The following CALN1 variants were observed in gnomAD, a reference collection of about 807,000 sequenced individuals.
CALN1 encodes calneuron 1, also known as calcium-binding protein 8.
A neutral mutation model predicts 30.6 loss-of-function variants in CALN1; 17 were observed. That is an observed-to-expected ratio of 0.56 (90% confidence interval 0.38 to 0.83). The LOEUF (loss-of-function observed/expected upper bound fraction) is 0.83, where lower values mean the gene tolerates loss of function less well. Ranked by LOEUF, CALN1 falls within the 40% of genes least tolerant of loss-of-function variation. The probability of loss-of-function intolerance (pLI) is 0.00; values close to 1 mark genes in which losing one functional copy is unlikely to be tolerated. For missense variants in CALN1, 291 were observed against 354.9 expected (o/e 0.82, Z 1.45); for synonymous variants, 156 against 131.4 (o/e 1.19, Z -1.28).
At chr7:71,852,579 G>A (rs541540384) in intron 5 of CALN1, among the ~76,000 whole-genome samples, 2 of 151,764 alleles carry the variant, frequency 1.3e-5, no homozygotes, top group Admixed American at 1.3e-4. Context: ...CAGCCTGGGT[G>A]ACAGAACAAG....
chr7:72,361,968 A>G (rs1156661620), intron 2 of CALN1, among the ~76,000 whole-genome samples: 2 of 152,194 alleles, frequency 1.3e-5, no homozygotes, highest in African/African-American at 2.4e-5. Context: ...AGTTTTATTC[A>G]TAATTTTTTT....
chr7:72,006,201 G>A (rs1034806), intron 5 of CALN1, among the ~76,000 whole-genome samples: 19,809 of 152,032 alleles, frequency 0.13, 1,869 homozygotes, highest in East Asian at 0.37. Flanking sequence ...GTAAATATAA[G>A]CCAAATTTTC....
At chr7:72,416,690 G>A (rs1807429759), upstream of CALN1, among the ~76,000 whole-genome samples, 4 of 137,494 alleles carry the variant, frequency 2.9e-5, no homozygotes, top group South Asian at 4.5e-4. Flanking sequence ...AGCCGAGATC[G>A]CGTCACTGCA....
chr7:71,981,033 G>A (rs1798367659), intron 5 of CALN1, among the ~76,000 whole-genome samples: 2 of 152,126 alleles, frequency 1.3e-5, no homozygotes, highest in African/African-American at 2.4e-5. Flanking sequence ...CACACTGCCC[G>A]TGGCTCCCTG....
At chr7:72,354,809 T>C (rs544018676) in intron 2 of CALN1, among the ~76,000 whole-genome samples, 25 of 152,236 alleles carry the variant, frequency 1.6e-4, no homozygotes, top group Admixed American at 1.4e-3. Flanking sequence ...GAATGGATCG[T>C]AGACCTAAAA....
rs75270535 is a variant in CALN1, at chr7:71,997,571, C to T, written c.501+26086G>A. Reference sequence around the variant, plus strand: ...AAACACAAACCAAAGATGCAACAAGCTGATCAAACCTCATACAGAAAAAAT... The same window carrying T: ...AAACACAAACCAAAGATGCAACAAGTTGATCAAACCTCATACAGAAAAAAT... On this transcript the variant is annotated intron_variant, in intron 5 of 6. Coordinates refer to ENST00000395275, the MANE Select transcript of CALN1 (RefSeq NM_031468.4). Among the ~76,000 whole-genome samples the T allele has an allele frequency of 3.7e-3, 565 of 152,216 alleles. 6 individuals are homozygous for T. Among genetic ancestry groups the T allele is most frequent in the African/African-American group, 0.013 (537 of 41,548 alleles).
intron 5 of CALN1, among the ~76,000 whole-genome samples, chr7:71,826,841 A>T (rs1554347313): frequency 6.6e-6 from 1 of 152,074 alleles, no homozygotes; most frequent in Non-Finnish European, 1.5e-5. Context: ...ATGTCCACAT[A>T]ATTTTTGTAT....
At chr7:72,051,739 C>T (rs1376874051) in intron 4 of CALN1, among the ~76,000 whole-genome samples, 2 of 152,074 alleles carry the variant, frequency 1.3e-5, no homozygotes, top group African/African-American at 4.8e-5. Context: ...AACTTGAGTA[C>T]AATTTAATAC....
Position 72,403,244 on chromosome 7 carries a change from G to A in CALN1, c.119+7C>T, listed in dbSNP as rs1457917709. 22 of 1,546,786 alleles carry A rather than the reference G, an allele frequency of 1.4e-5. No individual in the cohort carries two copies. Among genetic ancestry groups the A allele is most frequent in the Non-Finnish European group, 1.8e-5 (21 of 1,145,790 alleles). ...TAGGTCCTTGGGTTTGGGGGAAGAA[G>A]ACTTGCCAGGTGGGGAAGTCGGGGG... On this transcript the variant is annotated splice_region_variant and intron_variant, in intron 2 of 6. Transcript: ENST00000395275.
intron 2 of CALN1, among the ~76,000 whole-genome samples, chr7:72,368,416 G>T (rs1004250751): frequency 1.3e-5 from 2 of 151,724 alleles, no homozygotes; most frequent in Non-Finnish European, 2.9e-5. Flanking sequence ...ATTAATATTG[G>T]TGCCACATAG....
chr7:72,106,718 A>G (rs1422370974), intron 3 of CALN1, among the ~76,000 whole-genome samples: 1 of 49,982 alleles, frequency 2.0e-5, no homozygotes, highest in African/African-American at 8.6e-5. Flanking sequence ...GGGAGGGAGG[A>G]AGGGAGGGAG....
At chr7:72,374,043 A>G (rs1804400683) in intron 2 of CALN1, among the ~76,000 whole-genome samples, 1 of 152,242 alleles carries the variant, frequency 6.6e-6, no homozygotes, top group Non-Finnish European at 1.5e-5. Context: ...TGAAGGTGAA[A>G]TAAAGACATT....
At chr7:72,502,018 T>TAAATATATATACACACA in the CALN1 span, among the ~76,000 whole-genome samples, 1 of 144,824 alleles carries the variant, frequency 6.9e-6, no homozygotes, top group Non-Finnish European at 1.5e-5. Flanking sequence ...CATATATATA[T>TAAATATATATACACACA]TCTTTAAATG....
At chr7:72,378,960 T>C (rs1804731636) in intron 2 of CALN1, among the ~76,000 whole-genome samples, 1 of 152,342 alleles carries the variant, frequency 6.6e-6, no homozygotes, top group Non-Finnish European at 1.5e-5. Flanking sequence ...AAGATGATCA[T>C]GTGGGTTTCC....
chr7:72,350,113 T>G (rs1802842487), intron 2 of CALN1, among the ~76,000 whole-genome samples: 1 of 152,128 alleles, frequency 6.6e-6, no homozygotes. Context: ...TAGAATTGAT[T>G]TTTGCATATG....
At chr7:71,846,021 C>CT (rs1790212254) in intron 5 of CALN1, among the ~76,000 whole-genome samples, 1 of 152,110 alleles carries the variant, frequency 6.6e-6, no homozygotes, top group Admixed American at 6.5e-5. Context: ...CTACTGCACT[C>CT]TAGCCTGGGG....
At chr7:71,975,897 CAA>C (rs1798078755) in intron 5 of CALN1, among the ~76,000 whole-genome samples, 1 of 148,132 alleles carries the variant, frequency 6.8e-6, no homozygotes, top group Non-Finnish European at 1.5e-5. Context: ...AGGTTGGTGC[CAA>C]AGTAATGGCA....
chr7:71,904,240 T>C (rs1351051567), intron 5 of CALN1, among the ~76,000 whole-genome samples: 1 of 152,144 alleles, frequency 6.6e-6, no homozygotes, highest in Non-Finnish European at 1.5e-5. Context: ...CTGAAGAGAA[T>C]CTGCACTCCC....
At chr7:71,964,371 C>T (rs1391693048) in intron 5 of CALN1, among the ~76,000 whole-genome samples, 1 of 152,166 alleles carries the variant, frequency 6.6e-6, no homozygotes, top group Non-Finnish European at 1.5e-5. Flanking sequence ...ACAGTGTGCT[C>T]TTTCAGCTTT....
Sources: allele counts gnomAD v4.1 joint callset (sites outside exome capture counted in the v4.1 genomes callset), GRCh38; gene constraint gnomAD v4.1.1; transcripts MANE v1.5; gene names NCBI Gene and HGNC (gene_info 2026-07-23, HGNC 2026-07-21).